Variants in PIH1D2 observed in about 807,000 individuals in gnomAD.
The protein encoded by PIH1D2 is PIH1 domain-containing protein 2.
PIH1D2 carries 25 observed loss-of-function variants against 31.2 expected under a neutral mutation model. That is an observed-to-expected ratio of 0.80 (90% CI 0.58 to 1.12). The LOEUF (loss-of-function observed/expected upper bound fraction) is 1.12, where lower values mean the gene tolerates loss of function less well. Among genes scored for constraint, PIH1D2 ranks in the 50% most tolerant of loss-of-function variants. PIH1D2 has a pLI of 0.00. For synonymous variants in PIH1D2, 116 were observed against 119.9 expected (o/e 0.97, Z 0.21); for missense variants, 310 against 356.6 (o/e 0.87, Z 1.05).
At chr11:112,063,390 C>T (rs1026523019), downstream of PIH1D2, 4 of 152,496 alleles carry the variant, frequency 2.6e-5, no homozygotes, top group African/African-American at 9.6e-5. Context: ...GAATTTATGA[C>T]TCCACTGTGG....
chr11:112,057,209 C>G, the PIH1D2 span, among the ~76,000 whole-genome samples: 1 of 152,116 alleles, frequency 6.6e-6, no homozygotes, highest in Non-Finnish European at 1.5e-5. Context: ...ACCAGCTGTT[C>G]CTCTGTCTCT....
In PIH1D2 at chr11:112,071,629, T is replaced by G; in HGVS notation, c.301+6A>C. The G allele has an allele frequency of 6.2e-7, 1 of 1,612,888 alleles. No individual in the cohort carries two copies. Among genetic ancestry groups the G allele is most frequent in the Non-Finnish European group, 8.5e-7 (1 of 1,179,118 alleles). ...TTACAATGTGCTTTCTCTCAATTAT[T>G]TGTACCTGATATCTCAGTTGTATCT... On this transcript the variant is annotated splice_donor_region_variant and intron_variant, in intron 3 of 5. Transcript: ENST00000280350.
At chr11:112,059,217 G>A (rs973754000), downstream of PIH1D2, among the ~76,000 whole-genome samples, 24 of 152,076 alleles carry the variant, frequency 1.6e-4, no homozygotes, top group East Asian at 5.8e-4. Context: ...GCCAATGTAC[G>A]TCCACTCAAA....
At chr11:112,052,653 C>T in the PIH1D2 span, among the ~76,000 whole-genome samples, 1 of 151,850 alleles carries the variant, frequency 6.6e-6, no homozygotes, top group African/African-American at 2.4e-5. Context: ...ACTGGAAGCT[C>T]ATTAAATCTT....
Position 112,071,092 on chromosome 11 carries a change from T to C in PIH1D2, c.493A>G (p.Asn165Asp). ...IKGSIQRMKQ[N>D]LMGIQTDSID... ...GAATCAGTTTGGATTCCCATCAGAT[T>C]TTGTTTCATTCTTTGAATGCTTCCT... The change falls in exon 4 of 6, where the codon AAT becomes GAT. Residue 165 changes from asparagine (N) to aspartate (D), a missense_variant. Transcript: ENST00000280350. 5 of 1,613,786 alleles carry C rather than the reference T, an allele frequency of 3.1e-6. No individual in the cohort carries two copies. The highest frequency in any genetic ancestry group is 4.2e-6 in the Non-Finnish European group (5 of 1,179,796).
At chr11:112,073,624 G>C (rs1406451035) in intron 1 of PIH1D2, among the ~76,000 whole-genome samples, 1 of 152,142 alleles carries the variant, frequency 6.6e-6, no homozygotes, top group Non-Finnish European at 1.5e-5. Context: ...AGAATGCCTA[G>C]ATTCCGGTCT....
Position 112,070,715 on chromosome 11 carries a change from A to T in PIH1D2, c.548-14T>A, listed in dbSNP as rs782056967. ...CAAGAGTTAGTTCTTTATGAAAAAAAGGGTGGAGGGGAGATAAAAAATAAA... is the reference window on the plus strand; with the variant it reads ...CAAGAGTTAGTTCTTTATGAAAAAATGGGTGGAGGGGAGATAAAAAATAAA... On this transcript the variant is annotated splice_polypyrimidine_tract_variant and intron_variant, in intron 4 of 5. Transcript: ENST00000280350. 6.2e-7 allele frequency: 1 copy of T among 1,607,960 alleles called. No individual in the cohort carries two copies. The highest frequency in any genetic ancestry group is 1.1e-5 in the South Asian group (1 of 90,644).
intron 2 of PIH1D2, 96 bp from the exon 3 acceptor site, chr11:112,071,854 G>T (rs1865128537): frequency 1.5e-6 from 2 of 1,346,580 alleles, no homozygotes; most frequent in African/African-American, 2.9e-5. Flanking sequence ...GCACTTTGGG[G>T]GTCCAAGGCG....
chr11:112,069,968 T>A (rs1420738060), intron 5 of PIH1D2: 1 of 179,762 alleles, frequency 5.6e-6, no homozygotes, highest in Non-Finnish European at 1.2e-5. Flanking sequence ...TCCTTTGGAG[T>A]CTGATACTGG....
At chr11:112,064,602 T>C (rs1055326605), downstream of PIH1D2, among the ~76,000 whole-genome samples, 9 of 152,306 alleles carry the variant, frequency 5.9e-5, no homozygotes, top group Middle Eastern at 6.8e-3. Context: ...GTGGCACTTA[T>C]TATCAAGATG....
intron 1 of PIH1D2, among the ~76,000 whole-genome samples, chr11:112,073,481 C>T (rs1865215331): frequency 6.6e-6 from 1 of 152,126 alleles, no homozygotes; most frequent in East Asian, 1.9e-4. Context: ...GTTTCCTGAT[C>T]TTCTTGTTCC....
chr11:112,059,951 C>G, downstream of PIH1D2: 2 of 1,613,650 alleles, frequency 1.2e-6, no homozygotes, highest in Non-Finnish European at 1.7e-6. Context: ...CTGCAGGACT[C>G]ATCACACCTA....
At chr11:112,073,341 A>C (rs2135230411) in intron 1 of PIH1D2, 136 bp from the exon 2 acceptor site, 1 of 539,372 alleles carries the variant, frequency 1.9e-6, no homozygotes, top group Non-Finnish European at 3.2e-6. Flanking sequence ...GTTGTGGATC[A>C]GCACCACTTT....
At chr11:112,067,750 T>C, downstream of PIH1D2, 1 of 1,009,232 alleles carries the variant, frequency 9.9e-7, no homozygotes, top group East Asian at 3.9e-5. Context: ...TCAGTCAAAA[T>C]GAACTTAGAA....
At chr11:112,060,248 G>A (rs1299886122), downstream of PIH1D2, among the ~76,000 whole-genome samples, 1 of 140,368 alleles carries the variant, frequency 7.1e-6, no homozygotes, top group Admixed American at 7.8e-5. Context: ...TGCAAGCTCC[G>A]CCTCCTGGGT....
chr11:112,062,710 C>T (rs1385152811), downstream of PIH1D2: 10 of 701,990 alleles, frequency 1.4e-5, no homozygotes, highest in Admixed American at 1.8e-4. Context: ...GCCGATTACA[C>T]CCAAATATTG....
the PIH1D2 span, among the ~76,000 whole-genome samples, chr11:112,055,235 AT>A: frequency 0.059 from 4,437 of 75,356 alleles, 98 homozygotes; most frequent in African/African-American, 0.19. Flanking sequence ...GTCAAGGCCT[AT>A]TTTTTTTTTT....
At chr11:112,066,290 C>A (rs1421557069), downstream of PIH1D2, among the ~76,000 whole-genome samples, 2 of 152,098 alleles carry the variant, frequency 1.3e-5, no homozygotes, top group Non-Finnish European at 2.9e-5. Context: ...CTGATCATTT[C>A]TTTAGGGGAA....
chr11:112,072,578 A>AT (rs1865159425), intron 2 of PIH1D2, among the ~76,000 whole-genome samples: 3 of 145,076 alleles, frequency 2.1e-5, no homozygotes, highest in Non-Finnish European at 4.5e-5. Flanking sequence ...AAAAAAAAAA[A>AT]GTCTGCCAGG....
Sources: allele counts gnomAD v4.1 joint callset (sites outside exome capture counted in the v4.1 genomes callset), GRCh38; gene constraint gnomAD v4.1.1; transcripts MANE v1.5; gene names NCBI Gene and HGNC (gene_info 2026-07-23, HGNC 2026-07-21).